Variants in PRAF2 observed in about 807,000 individuals in gnomAD.
PRAF2 encodes the protein PRA1 family protein 2.
A neutral mutation model predicts 9.7 loss-of-function variants in PRAF2; 5 were observed. That is an observed-to-expected ratio of 0.51 (90% CI 0.27 to 1.08). The LOEUF is 1.08. Among genes scored for constraint, PRAF2 ranks in the 50% least tolerant of loss-of-function variants. PRAF2 has a pLI of 0.12. For synonymous variants in PRAF2, 61 were observed against 76.6 expected (o/e 0.80, Z 1.06); for missense variants, 135 against 160.7 (o/e 0.84, Z 0.86).
In PRAF2 at chrX:49,071,901, C is replaced by T. The variant is rs1557083158; in HGVS notation, c.505G>A (p.Ala169Thr). Residue 169 changes from alanine to threonine, a missense_variant, in exon 3 of 3, where the codon GCA becomes ACA. Transcript: ENST00000553851. ...KRTPMGLLLE[A>T]LGQEQEAGS ...CCAGCCTCCTGCTCTTGTCCCAGTG[C>T]CTCTAGTAGCAGGCCCATTGGCGTC... is the stretch of plus-strand genomic sequence containing the variant. 9 of 1,208,360 alleles carry T rather than the reference C, an allele frequency of 7.4e-6. No individual in the cohort carries two copies. The highest frequency in any genetic ancestry group is 1.0e-5 in the Non-Finnish European group (9 of 894,549).
At chrX:49,073,703 C>T (rs1369685849) in intron 1 of PRAF2, 106 bp downstream of exon 1, 2 of 1,026,245 alleles carry the variant, frequency 1.9e-6, no homozygotes, top group African/African-American at 1.9e-5. Flanking sequence ...TCGCCCTTCC[C>T]GGCCTTGCAC....
intron 1 of PRAF2, 127 bp downstream of exon 1, chrX:49,073,682 C>A: frequency 1.1e-6 from 1 of 885,569 alleles, no homozygotes. Flanking sequence ...GGCCGTCCAT[C>A]TCTACTGACT....
intron 2 of PRAF2, 28 bp from the exon 3 acceptor site, chrX:49,072,036 A>G: frequency 8.4e-7 from 1 of 1,192,390 alleles, no homozygotes; most frequent in African/African-American, 1.8e-5. Flanking sequence ...AGGGGTGGTC[A>G]GTGGAATAGA....
intron 2 of PRAF2, 92 bp downstream of exon 2, chrX:49,072,341 C>T (rs1557083238): frequency 9.5e-6 from 10 of 1,051,090 alleles, no homozygotes; most frequent in Non-Finnish European, 1.3e-5. Flanking sequence ...GTTTCCCAGC[C>T]CCCTCTCAAC....
rs1557083548 is a variant in PRAF2, at chrX:49,073,792, G to A, written c.179+17C>T. 1 of 1,209,902 alleles carries A rather than the reference G, an allele frequency of 8.3e-7. No individual in the cohort carries two copies. The highest frequency in any genetic ancestry group is 2.2e-5 in the Admixed American group (1 of 46,064). On this transcript the variant is annotated intron_variant, in intron 1 of 2. Coordinates refer to ENST00000553851, the MANE Select transcript of PRAF2 (RefSeq NM_007213.3). ...CTCTGCAGACGTCCCTGGCCAACCG[G>A]CGCCTCCCTCCCTCACCCGGCGAGA... is the stretch of plus-strand genomic sequence containing the variant.
At chrX:49,073,754 G>A (rs1376058791) in intron 1 of PRAF2, 55 bp downstream of exon 1, 1 of 1,184,830 alleles carries the variant, frequency 8.4e-7, no homozygotes, top group Non-Finnish European at 1.1e-6. Context: ...AGACCTGTGG[G>A]TCTACCCCCA....
At position 49,072,438 on chromosome X, in the gene PRAF2, A is replaced by C. The variant is rs782662394; in HGVS notation, c.392T>G (p.Val131Gly). 1 of 1,189,023 alleles carries C rather than the reference A, an allele frequency of 8.4e-7. No homozygotes were observed. Among genetic ancestry groups the C allele is most frequent in the African/African-American group, 1.8e-5 (1 of 56,703 alleles). The stretch of plus-strand genomic sequence containing the variant: ...TCGGGGTAGTGGAGACTCACGAAGC[A>C]CCGGCCCGGCGATGCTGAACAGGAA... ...CTFLFSIAGPVLLILVHASLR... is the reference protein window; with the variant it reads ...CTFLFSIAGPGLLILVHASLR... Residue 131 changes from valine to glycine, a missense_variant, in exon 2 of 3, where the codon GTG becomes GGG. Coordinates refer to ENST00000553851, the MANE Select transcript of PRAF2 (RefSeq NM_007213.3).
intron 1 of PRAF2, among the ~76,000 whole-genome samples, chrX:49,073,274 GGTACCT>G (rs1360367656): frequency 1.8e-5 from 2 of 110,606 alleles, no homozygotes; most frequent in African/African-American, 6.6e-5. Flanking sequence ...TTCCCCAACA[GGTACCT>G]GCCCCTGGCG....
intron 1 of PRAF2, 74 bp from the exon 2 acceptor site, chrX:49,072,724 C>T (rs1325819660): frequency 9.9e-7 from 1 of 1,011,059 alleles, no homozygotes; most frequent in East Asian, 3.3e-5. Context: ...ACCCTGGGCC[C>T]CAAGAGCCAG....
chrX:49,071,914 G>A lies in PRAF2; in HGVS notation c.492C>T (p.Gly164=), dbSNP rs2065012382. The A allele has an allele frequency of 8.3e-7, 1 of 1,208,784 alleles. No homozygotes were observed. Among genetic ancestry groups the A allele is most frequent in the Non-Finnish European group, 1.1e-6 (1 of 894,721 alleles). Reference sequence around the variant, plus strand: ...CTTGTCCCAGTGCCTCTAGTAGCAGGCCCATTGGCGTCCGCTTGAGACCAA... The same window carrying A: ...CTTGTCCCAGTGCCTCTAGTAGCAGACCCATTGGCGTCCGCTTGAGACCAA... ...ESIGLKRTPM[G]LLLEALGQEQ... is the part of the protein sequence containing the mutation. The change falls in exon 3 of 3, where the codon GGC becomes GGT. Residue 164 remains glycine, a synonymous_variant. Coordinates refer to ENST00000553851, the MANE Select transcript of PRAF2 (RefSeq NM_007213.3).
chrX:49,072,441 G>A lies in PRAF2; in HGVS notation c.389C>T (p.Pro130Leu). 2 of 1,192,131 alleles carry A rather than the reference G, an allele frequency of 1.7e-6. No homozygotes were observed. The highest frequency in any genetic ancestry group is 2.3e-5 in the Admixed American group (1 of 42,575). The change falls in exon 2 of 3, where the codon CCG becomes CTG. Residue 130 changes from proline to leucine, a missense_variant. Coordinates refer to ENST00000553851, the MANE Select transcript of PRAF2 (RefSeq NM_007213.3). Reference protein sequence around the residue: ...ACTFLFSIAGPVLLILVHASL... With the variant: ...ACTFLFSIAGLVLLILVHASL... ...GGGTAGTGGAGACTCACGAAGCACC[G>A]GCCCGGCGATGCTGAACAGGAAGGT...
At chrX:49,072,702 G>A (rs781784369) in intron 1 of PRAF2, 52 bp from the exon 2 acceptor site, 2 of 1,099,936 alleles carry the variant, frequency 1.8e-6, no homozygotes, top group African/African-American at 3.7e-5. Flanking sequence ...GACGGCCTCC[G>A]GACCACCACC....
intron 2 of PRAF2, 153 bp from the exon 3 acceptor site, chrX:49,072,161 T>G (rs2065013397): frequency 2.6e-6 from 2 of 775,615 alleles, no homozygotes; most frequent in Non-Finnish European, 3.6e-6. Flanking sequence ...AGTAATTGGC[T>G]TGGCAACGTG....
In PRAF2 at chrX:49,071,851, G is replaced by T; in HGVS notation, c.*18C>A. 1.7e-6 allele frequency: 2 copies of T among 1,197,311 alleles called. No homozygotes were observed. Among genetic ancestry groups the T allele is most frequent in the Non-Finnish European group, 2.2e-6 (2 of 889,169 alleles). On this transcript the variant is annotated 3_prime_UTR_variant, in exon 3 of 3. Transcript: ENST00000553851. ...GTGGGGTGGTATTCTCCAGGTCCTG[G>T]GTACAGATCCCAGGGGCCTAGGATC...
rs1465616705 is a variant in PRAF2 at position 49,071,422 on chromosome X, G to A, written c.*447C>T. On this transcript the variant is annotated 3_prime_UTR_variant, in exon 3 of 3. Coordinates refer to ENST00000553851, the MANE Select transcript of PRAF2 (RefSeq NM_007213.3). Reference sequence around the variant, plus strand: ...TGGAACACTTGGGTTCTGAGTTCAAGATTTGGCAATGTCTTGACCTGGGTT... The same window carrying A: ...TGGAACACTTGGGTTCTGAGTTCAAAATTTGGCAATGTCTTGACCTGGGTT... The A allele has an allele frequency of 8.8e-6, 1 of 114,075 alleles. No homozygotes were observed. The highest frequency in any genetic ancestry group is 1.8e-5 in the Non-Finnish European group (1 of 54,577). The allele number at this position is 114,075 out of a possible 1,213,427, so 9.4% of individuals were successfully genotyped here.
chrX:49,073,898 C>T lies in PRAF2; in HGVS notation c.90G>A (p.Pro30=), dbSNP rs1557083575. The change falls in exon 1 of 3, where the codon CCG becomes CCA. Residue 30 remains proline (P), a synonymous_variant. Transcript: ENST00000553851. The part of the protein sequence containing the change: ...ARLAAPDPCD[P]QRWCHRVINN... ...TGATGACGCGGTGGCACCATCGCTG[C>T]GGGTCGCATGGATCCGGAGCCGCCA... is the stretch of plus-strand genomic sequence containing the variant. 2 of 1,211,000 alleles carry T rather than the reference C, an allele frequency of 1.7e-6. No homozygotes were observed. Among genetic ancestry groups the T allele is most frequent in the Non-Finnish European group, 2.2e-6 (2 of 895,358 alleles).
chrX:49,074,002 T>C lies in PRAF2; in HGVS notation c.-15A>G. ...ACCTCCGACATCCTGCCGGTTAATGTGGCTGGACCAGCCAGGAGGGGGCCG... is the reference window on the plus strand; with the variant it reads ...ACCTCCGACATCCTGCCGGTTAATGCGGCTGGACCAGCCAGGAGGGGGCCG... On this transcript the variant is annotated 5_prime_UTR_variant, in exon 1 of 3. Transcript: ENST00000553851. 8.4e-7 allele frequency: 1 copy of C among 1,185,069 alleles called. No homozygotes were observed. Among genetic ancestry groups the C allele is most frequent in the Non-Finnish European group, 1.1e-6 (1 of 882,494 alleles).
In PRAF2 at chrX:49,071,831, G is replaced by A; in HGVS notation, c.*38C>T. The A allele has an allele frequency of 1.7e-6, 2 of 1,177,110 alleles. No homozygotes were observed. The highest frequency in any genetic ancestry group is 2.3e-6 in the Non-Finnish European group (2 of 878,320). On this transcript the variant is annotated 3_prime_UTR_variant, in exon 3 of 3. Coordinates refer to ENST00000553851, the MANE Select transcript of PRAF2 (RefSeq NM_007213.3). Reference sequence around the variant, plus strand: ...GTCCCAATTATGGGCTGGGGGTGGGGTGGTATTCTCCAGGTCCTGGGTACA... The same window carrying A: ...GTCCCAATTATGGGCTGGGGGTGGGATGGTATTCTCCAGGTCCTGGGTACA...
At position 49,072,220 on chromosome X, in the gene PRAF2, G is replaced by A. The variant is rs782157973; in HGVS notation, c.398-212C>T. On this transcript the variant is annotated intron_variant, in intron 2 of 2. Transcript: ENST00000553851. Reference sequence around the variant, plus strand: ...GTAACGGGGACGTGGCCAGTGGAAGGCACTTAACACCAAGAGTGAGATAGG... The same window carrying A: ...GTAACGGGGACGTGGCCAGTGGAAGACACTTAACACCAAGAGTGAGATAGG... 751 of 591,890 alleles carry A rather than the reference G, an allele frequency of 1.3e-3. 1 individual carries two copies. Among genetic ancestry groups the A allele is most frequent in the Non-Finnish European group, 1.8e-3 (697 of 384,533 alleles). The allele number at this position is 591,890 out of a possible 1,213,427, so 48.8% of individuals were successfully genotyped here.
Sources: gnomAD v4.1 joint callset for allele counts (sites outside exome capture counted in the v4.1 genomes callset) on GRCh38, gnomAD v4.1.1 for gene constraint, MANE v1.5 for transcripts, NCBI Gene and HGNC (gene_info 2026-07-23, HGNC 2026-07-21) for gene names.